The following CLSPN variants were observed in gnomAD, a reference collection of about 807,000 sequenced individuals.
CLSPN encodes claspin, also known as claspin homolog.
CLSPN carries 85 observed loss-of-function variants against 156.3 expected under a neutral mutation model. That is an observed-to-expected ratio of 0.54 (90% confidence interval 0.46 to 0.65). CLSPN has a LOEUF of 0.65. CLSPN is among the 30% of genes least tolerant of loss of function. The probability of loss-of-function intolerance (pLI) is 0.00; values close to 1 mark genes in which losing one functional copy is unlikely to be tolerated. For synonymous variants in CLSPN, 534 were observed against 542.4 expected, an observed-to-expected ratio of 0.98 and a Z score of 0.22; for missense variants, 1,407 against 1,554.9, an observed-to-expected ratio of 0.90 and a Z score of 1.60.
intron 8 of CLSPN, 42 bp from the exon 9 acceptor site, chr1:35,753,978 A>T: frequency 1.9e-6 from 3 of 1,588,030 alleles, no homozygotes; most frequent in Non-Finnish European, 2.6e-6. Flanking sequence ...TGCCATGCTC[A>T]AAACTCTTTC....
At chr1:35,742,728 A>AT (rs754075343) in intron 18 of CLSPN, among the ~76,000 whole-genome samples, 2 of 149,286 alleles carry the variant, frequency 1.3e-5, no homozygotes, top group Non-Finnish European at 3.0e-5. Context: ...CACACAGGAC[A>AT]TATTAAGTGA....
intron 8 of CLSPN, among the ~76,000 whole-genome samples, chr1:35,756,595 T>C (rs552147041): frequency 6.6e-6 from 1 of 152,314 alleles, no homozygotes; most frequent in African/African-American, 2.4e-5. Flanking sequence ...GTCTCTTTCC[T>C]AGCTTATCTC....
chr1:35,740,573 C>G (rs774585338), intron 18 of CLSPN, among the ~76,000 whole-genome samples: 1 of 152,054 alleles, frequency 6.6e-6, no homozygotes, highest in Non-Finnish European at 1.5e-5. Flanking sequence ...TGCGTGCCAC[C>G]ATGCCTGGCT....
In CLSPN at chr1:35,768,579, AT is replaced by A. The variant is rs11461895; in HGVS notation, c.24+1267del. On this transcript the variant is annotated intron_variant, in intron 1 of 24. Coordinates refer to ENST00000318121, the MANE Select transcript of CLSPN (RefSeq NM_022111.4). Reference sequence around the variant, plus strand: ...TGGGACCACAGGCGACGCCCGGCTAATTTTTTTTTTTTTGTAGAGGCGGGGT... The same window carrying A: ...TGGGACCACAGGCGACGCCCGGCTAATTTTTTTTTTTTGTAGAGGCGGGGT... Among the ~76,000 whole-genome samples, 356 of 144,902 alleles carry A rather than the reference AT, an allele frequency of 2.5e-3. 1 individual carries two copies. Among genetic ancestry groups the A allele is most frequent in the African/African-American group, 4.8e-3 (190 of 39,848 alleles).
At chr1:35,726,766 G>T (rs557837032) in intron 24 of CLSPN, among the ~76,000 whole-genome samples, 5 of 152,320 alleles carry the variant, frequency 3.3e-5, no homozygotes, top group Non-Finnish European at 5.9e-5. Context: ...CCCAGGCACG[G>T]AGCTTGCCGG....
At chr1:35,727,444 C>G (rs536940841), downstream of CLSPN, among the ~76,000 whole-genome samples, 2 of 152,190 alleles carry the variant, frequency 1.3e-5, no homozygotes, top group African/African-American at 2.4e-5. Context: ...CAATTCCCAC[C>G]CTGGAAGACT....
chr1:35,747,786 G>T, intron 14 of CLSPN, 121 bp downstream of exon 14: 2 of 945,290 alleles, frequency 2.1e-6, no homozygotes, highest in Non-Finnish European at 3.2e-6. Flanking sequence ...CTAATGGTCT[G>T]TACACCTTCT....
Position 35,749,687 on chromosome 1 carries a change from G to A in CLSPN, c.2153C>T (p.Ser718Phe). ...AAGTAAAGTAGAATCTGATGAGAGA[G>A]ACTTGGGAACAGAGAGGAAGCCAAC... The part of the protein sequence containing the change: ...KAVGFLSVPK[S>F]LSSDSTLLLF... The change falls in exon 11 of 25, where the codon TCT (serine) becomes TTT (phenylalanine). Residue 718 changes from serine (S) to phenylalanine (F), a missense_variant. Physicochemically the swap from Ser to Phe is radical, Grantham distance 155. Around this residue, in one of 3 missense-constraint regions of CLSPN, gnomAD observed 1,096 missense variants for 1,193.0 expected, o/e 0.92. Coordinates refer to ENST00000318121, the MANE Select transcript of CLSPN (RefSeq NM_022111.4). 1 of 1,614,116 alleles carries A rather than the reference G, an allele frequency of 6.2e-7. No individual in the cohort carries two copies. Among genetic ancestry groups the A allele is most frequent in the Non-Finnish European group, 8.5e-7 (1 of 1,180,002 alleles).
intron 24 of CLSPN, 73 bp downstream of exon 24, chr1:35,736,841 T>A: frequency 6.5e-7 from 1 of 1,526,884 alleles, no homozygotes; most frequent in Non-Finnish European, 8.9e-7. Flanking sequence ...AGCCAGAATT[T>A]TTGTTTTTAA....
exon 25 of CLSPN, chr1:35,720,915 C>A: frequency 1.2e-6 from 2 of 1,612,188 alleles, no homozygotes; most frequent in Non-Finnish European, 8.5e-7. Context: ...CAAATGAAAG[C>A]CTGAAGAATC....
In CLSPN at chr1:35,743,189, T is replaced by C; in HGVS notation, c.3095A>G (p.Asp1032Gly). 3 of 1,614,166 alleles carry C rather than the reference T, an allele frequency of 1.9e-6. No individual in the cohort carries two copies. The highest frequency in any genetic ancestry group is 2.5e-6 in the Non-Finnish European group (3 of 1,180,022). Reference sequence around the variant, plus strand: ...TCGCTTCAGGAGTTCTTCTTCATCATCATCTTCATGGTCTTCCAGTGCCAG... The same window carrying C: ...TCGCTTCAGGAGTTCTTCTTCATCACCATCTTCATGGTCTTCCAGTGCCAG... The part of the protein sequence containing the change: ...NDLALEDHED[D>G]DEEELLKRSE... Residue 1032 changes from aspartate (D) to glycine (G), a missense_variant, in exon 18 of 25, where the codon GAT becomes GGT. Asp to Gly is a moderately conservative substitution (Grantham distance 94). This residue lies in a region of CLSPN where 1,096 missense variants were observed against 1,193.0 expected (regional missense o/e 0.92). Coordinates refer to ENST00000318121, the MANE Select transcript of CLSPN (RefSeq NM_022111.4).
chr1:35,729,473 A>T (rs1448164947), downstream of CLSPN, among the ~76,000 whole-genome samples: 1 of 152,162 alleles, frequency 6.6e-6, no homozygotes, highest in African/African-American at 2.4e-5. Context: ...GAAAATGAAA[A>T]ACCTTTAAGG....
rs758878250 is a variant in CLSPN at position 35,737,082 on chromosome 1, A to T, written c.3748-7T>A. The T allele has an allele frequency of 6.8e-6, 11 of 1,611,752 alleles. No homozygotes were observed. Among genetic ancestry groups the T allele is most frequent in the Non-Finnish European group, 8.5e-6 (10 of 1,179,152 alleles). ...GCAGTGAGCCTGTCTTCACCTGAGG[A>T]AAGAAGAGTCATCTGGTATCAAATC... On this transcript the variant is annotated splice_region_variant and splice_polypyrimidine_tract_variant and intron_variant, in intron 23 of 24. Coordinates refer to ENST00000318121, the MANE Select transcript of CLSPN (RefSeq NM_022111.4).
intron 18 of CLSPN, 152 bp from the exon 19 acceptor site, chr1:35,739,681 G>T: frequency 1.7e-6 from 1 of 589,864 alleles, no homozygotes; most frequent in Non-Finnish European, 2.8e-6. Flanking sequence ...CTCCACTTAT[G>T]ATGGTTTGAC....
downstream of CLSPN, among the ~76,000 whole-genome samples, chr1:35,729,218 T>C (rs12084705): frequency 0.32 from 48,203 of 152,014 alleles, 11,511 homozygotes; most frequent in East Asian, 0.77. Flanking sequence ...CAACCCTGCC[T>C]CAGCACTTTC....
At position 35,746,373 on chromosome 1, in the gene CLSPN, T is replaced by C. The variant is rs181618808; in HGVS notation, c.2854+393A>G. Among the ~76,000 whole-genome samples, 54 of 152,214 alleles carry C rather than the reference T, an allele frequency of 3.5e-4. No individual in the cohort carries two copies. The highest frequency in any genetic ancestry group is 4.4e-4 in the Non-Finnish European group (30 of 67,990). On this transcript the variant is annotated intron_variant, in intron 15 of 24. Coordinates refer to ENST00000318121, the MANE Select transcript of CLSPN (RefSeq NM_022111.4). This position sits in a 1 kb window ranked among gnomAD's most constrained non-coding sequence, Gnocchi z 4.2. Reference sequence around the variant, plus strand: ...CCCTGTTTTCTGTGAACTTTTCACCTGAGGGTAAGGGGCTTCTTTTCTTTC... The same window carrying C: ...CCCTGTTTTCTGTGAACTTTTCACCCGAGGGTAAGGGGCTTCTTTTCTTTC...
chr1:35,760,053 C>CA (rs1196919452), intron 8 of CLSPN, among the ~76,000 whole-genome samples: 1 of 152,076 alleles, frequency 6.6e-6, no homozygotes, highest in Non-Finnish European at 1.5e-5. Flanking sequence ...AGGCTAGTCT[C>CA]AAACTCCTGA....
At chr1:35,765,187 T>G in intron 2 of CLSPN, 31 bp downstream of exon 2, 1 of 1,386,680 alleles carries the variant, frequency 7.2e-7, no homozygotes, top group Non-Finnish European at 1.0e-6. Context: ...TCCCGCAACC[T>G]ATTCCTAAAA....
rs779758263 is a variant in CLSPN, at chr1:35,735,335, G to A, written c.*1161C>T. The A allele has an allele frequency of 2.1e-4, 202 of 985,304 alleles. No homozygotes were observed. The highest frequency in any genetic ancestry group is 2.3e-4 in the Non-Finnish European group (195 of 829,938). The allele number at this position is 985,304 out of a possible 1,614,324, so 61.0% of individuals were successfully genotyped here. A position where few individuals can be genotyped will look rare whatever the true frequency, so the allele number is the denominator to read the frequency against. On this transcript the variant is annotated 3_prime_UTR_variant, in exon 25 of 25. Transcript: ENST00000318121. ...AATTCAAAATTTGATGCTGCCTTGGGAAGAAGCATACAGGAAAATGAAAGG... is the reference window on the plus strand; with the variant it reads ...AATTCAAAATTTGATGCTGCCTTGGAAAGAAGCATACAGGAAAATGAAAGG...
Sources: gnomAD v4.1 joint callset for allele counts (sites outside exome capture counted in the v4.1 genomes callset) on GRCh38, gnomAD v4.1.1 for gene constraint, gnomAD v4.1.1 regional missense constraint, Gnocchi (gnomAD v3.1) non-coding constraint, MANE v1.5 for transcripts, NCBI Gene and HGNC (gene_info 2026-07-23, HGNC 2026-07-21) for gene names.